GRM3: variants seen among roughly 807,000 people sequenced by gnomAD.
GRM3 encodes the protein glutamate metabotropic receptor 3, also known as metabotropic glutamate receptor 3.
A neutral mutation model predicts 70.5 loss-of-function variants in GRM3; 26 were observed. The ratio of observed to expected loss-of-function variants is 0.37; its 90% CI spans 0.27 to 0.51. The LOEUF is 0.51. Among genes scored for constraint, GRM3 ranks in the 20% least tolerant of loss-of-function variants. GRM3 has a pLI of 0.93. For missense variants in GRM3, 859 were observed against 1,123.8 expected (o/e 0.76, Z 3.37); for synonymous variants, 443 against 434.9 (o/e 1.02, Z -0.23).
intron 1 of GRM3, among the ~76,000 whole-genome samples, chr7:86,708,831 T>G (rs1366387525): frequency 6.6e-6 from 1 of 152,096 alleles, no homozygotes; most frequent in Non-Finnish European, 1.5e-5. Context: ...CTTTAAAGTT[T>G]AAAATATTGA....
chr7:86,727,589 A>G (rs1414162460), intron 1 of GRM3, among the ~76,000 whole-genome samples: 1 of 152,154 alleles, frequency 6.6e-6, no homozygotes, highest in Non-Finnish European at 1.5e-5. Flanking sequence ...TTATCCTTGT[A>G]TGTTTAGTAC....
At chr7:86,760,704 T>C (rs1796458120) in intron 1 of GRM3, among the ~76,000 whole-genome samples, 1 of 152,114 alleles carries the variant, frequency 6.6e-6, no homozygotes, top group Non-Finnish European at 1.5e-5. Flanking sequence ...TAATTGTCTC[T>C]GATTATGCAT....
In GRM3 at chr7:86,761,306, A is replaced by G. The variant is rs566764520; in HGVS notation, c.-140-3700A>G. 7.9e-5 allele frequency among the ~76,000 whole-genome samples: 12 copies of G among 152,248 alleles called. No individual in the cohort carries two copies. The East Asian group carries it at 9.7e-4, about 12-fold the overall frequency. On this transcript the variant is annotated intron_variant, in intron 1 of 5. Coordinates refer to ENST00000361669, the MANE Select transcript of GRM3 (RefSeq NM_000840.3). ...TAGTATTCTCCTGACCAAAAACTTA[A>G]GCAGTAAATGTAGGTCAGTTCAGGT...
intron 1 of GRM3, among the ~76,000 whole-genome samples, chr7:86,660,251 T>C (rs1793859146): frequency 6.6e-6 from 1 of 152,044 alleles, no homozygotes; most frequent in Non-Finnish European, 1.5e-5. Context: ...AAGCAACCTT[T>C]TCTCTCTATT....
intron 1 of GRM3, among the ~76,000 whole-genome samples, chr7:86,713,680 T>C (rs1795250187): frequency 6.6e-6 from 1 of 152,026 alleles, no homozygotes; most frequent in Admixed American, 6.6e-5. Flanking sequence ...TACAGTCTCT[T>C]GTTTGAATTA....
chr7:86,790,680 T>G (rs906708802), intron 3 of GRM3, among the ~76,000 whole-genome samples: 6 of 152,150 alleles, frequency 3.9e-5, no homozygotes, highest in African/African-American at 1.4e-4. Context: ...CTTTCTCACT[T>G]CACTCCAGCC....
In GRM3 at chr7:86,736,204, G is replaced by A. The variant is rs570649878; in HGVS notation, c.-140-28802G>A. The stretch of plus-strand genomic sequence containing the variant: ...GGATACATGGTGATTGTTGGGGAAG[G>A]TGTTGTCAAGATCCTCATGGGAAGG... On this transcript the variant is annotated intron_variant, in intron 1 of 5. Transcript: ENST00000361669. 1.5e-3 allele frequency among the ~76,000 whole-genome samples: 230 copies of A among 152,254 alleles called. 1 individual carries two copies. Among genetic ancestry groups the A allele is most frequent in the African/African-American group, 5.3e-3 (220 of 41,556 alleles).
At chr7:86,647,594 AT>A (rs1350085484) in intron 1 of GRM3, among the ~76,000 whole-genome samples, 1 of 152,174 alleles carries the variant, frequency 6.6e-6, no homozygotes, top group Non-Finnish European at 1.5e-5. Context: ...TCACTTTGCT[AT>A]TTTAAACTGA....
chr7:86,835,276 A>T (rs1798434001), intron 3 of GRM3, among the ~76,000 whole-genome samples: 1 of 152,158 alleles, frequency 6.6e-6, no homozygotes, highest in South Asian at 2.1e-4. Context: ...TTTATTATTT[A>T]GTATTTAAAT....
chr7:86,733,607 A>C (rs923161765), intron 1 of GRM3, among the ~76,000 whole-genome samples: 21 of 152,216 alleles, frequency 1.4e-4, no homozygotes, highest in African/African-American at 4.6e-4. Flanking sequence ...AAGACTTATA[A>C]GGACAGGGAA....
chr7:86,816,048 T>C (rs1254938135), intron 3 of GRM3, among the ~76,000 whole-genome samples: 3 of 151,888 alleles, frequency 2.0e-5, no homozygotes, highest in Non-Finnish European at 4.4e-5. Flanking sequence ...CCAGGTAAAG[T>C]TTCATGAGTA....
chr7:86,703,564 G>A (rs1329667793), intron 1 of GRM3, among the ~76,000 whole-genome samples: 2 of 151,896 alleles, frequency 1.3e-5, no homozygotes, highest in African/African-American at 4.8e-5. Context: ...GTGTAAATGA[G>A]GATTATGTAA....
intron 1 of GRM3, among the ~76,000 whole-genome samples, chr7:86,759,492 G>A (rs1455342059): frequency 6.6e-6 from 1 of 152,036 alleles, no homozygotes; most frequent in Non-Finnish European, 1.5e-5. Flanking sequence ...GCATGCTACT[G>A]GGAATTTATT....
At chr7:86,648,382 T>C (rs1793528955) in intron 1 of GRM3, among the ~76,000 whole-genome samples, 1 of 152,142 alleles carries the variant, frequency 6.6e-6, no homozygotes, top group South Asian at 2.1e-4. Context: ...TACAAGGGAA[T>C]TTTGTGACAT....
chr7:86,770,731 A>G (rs1412985993), intron 2 of GRM3, among the ~76,000 whole-genome samples: 2 of 152,152 alleles, frequency 1.3e-5, no homozygotes, highest in Non-Finnish European at 2.9e-5. Flanking sequence ...GTTTTCTTAT[A>G]GGAGCATAGG....
At chr7:86,783,683 T>C (rs1797141206) in intron 2 of GRM3, among the ~76,000 whole-genome samples, 1 of 152,158 alleles carries the variant, frequency 6.6e-6, no homozygotes, top group South Asian at 2.1e-4. Flanking sequence ...TTGCCTCCCA[T>C]GGTGTTTACT....
intron 2 of GRM3, among the ~76,000 whole-genome samples, chr7:86,779,963 G>T (rs1797001249): frequency 1.3e-5 from 2 of 152,286 alleles, no homozygotes; most frequent in East Asian, 1.9e-4. Context: ...ATGGGGAAAA[G>T]ACACAAATAC....
intron 1 of GRM3, among the ~76,000 whole-genome samples, chr7:86,692,116 G>A (rs1420127251): frequency 6.6e-6 from 1 of 152,150 alleles, no homozygotes; most frequent in Admixed American, 6.5e-5. Context: ...TTCACCTAGA[G>A]AATTAAATAA....
intron 1 of GRM3, among the ~76,000 whole-genome samples, chr7:86,745,581 G>A (rs184007614): frequency 8.5e-4 from 129 of 152,194 alleles, no homozygotes; most frequent in African/African-American, 3.0e-3. Context: ...AACATAATGT[G>A]AATGACTTCC....
Sources: gnomAD v4.1 joint callset for allele counts (sites outside exome capture counted in the v4.1 genomes callset) on GRCh38, gnomAD v4.1.1 for gene constraint, MANE v1.5 for transcripts, NCBI Gene and HGNC (gene_info 2026-07-23, HGNC 2026-07-21) for gene names.